ASMT: variants seen among roughly 807,000 people sequenced by gnomAD.
ASMT encodes the protein acetylserotonin O-methyltransferase, also known as acetylserotonin N-methyltransferase.
ASMT carries 53 observed loss-of-function variants against 41.3 expected under a neutral mutation model. That is an observed-to-expected ratio of 1.28 (90% CI 1.03 to 1.61). The LOEUF (loss-of-function observed/expected upper bound fraction) is 1.61. ASMT is among the 40% of genes most tolerant of loss of function. The pLI is 0.00. For missense variants in ASMT, 531 were observed against 441.3 expected, an observed-to-expected ratio of 1.20 and a Z score of -1.82; for synonymous variants, 231 against 184.8, an observed-to-expected ratio of 1.25 and a Z score of -2.03.
rs562825777 is a variant in ASMT, at chrX:1,619,840, T to A, written c.70-3299T>A. 3.6e-3 allele frequency among the ~76,000 whole-genome samples: 550 copies of A among 151,778 alleles called. 1 individual carries two copies. The highest frequency in any genetic ancestry group is 0.017 in the Middle Eastern group (5 of 294). ...GGCGTGGTGGCTCATGCCTGTAATC[T>A]GAGCACTTTGGGAGGCCGAGGAAGG... On this transcript the variant is annotated intron_variant, in intron 1 of 8. Transcript: ENST00000381241.
At chrX:1,619,159 G>A (rs1364498501) in intron 1 of ASMT, among the ~76,000 whole-genome samples, 3 of 152,092 alleles carry the variant, frequency 2.0e-5, no homozygotes, top group Non-Finnish European at 4.4e-5. Context: ...ACTTTGGGAG[G>A]CCGAGGCGGG....
At chrX:1,621,289 A>G (rs1460438833) in intron 1 of ASMT, among the ~76,000 whole-genome samples, 1 of 152,172 alleles carries the variant, frequency 6.6e-6, no homozygotes, top group East Asian at 1.9e-4. Flanking sequence ...CGATGTGTGC[A>G]AGAAAAGAAA....
intron 8 of ASMT, among the ~76,000 whole-genome samples, chrX:1,640,424 T>A (rs56035557): frequency 1.5e-4 from 3 of 20,220 alleles, no homozygotes; most frequent in Admixed American, 5.8e-4. Flanking sequence ...TCCTGATGGT[T>A]CATGAGGATG....
At chrX:1,616,030 C>T (rs1158634289) in intron 1 of ASMT, among the ~76,000 whole-genome samples, 1 of 141,522 alleles carries the variant, frequency 7.1e-6, no homozygotes, top group Non-Finnish European at 1.6e-5. Flanking sequence ...CACCTCATTC[C>T]TTTTTTTTAT....
intron 3 of ASMT, among the ~76,000 whole-genome samples, chrX:1,625,108 C>T (rs866837422): frequency 0.14 from 19,394 of 135,448 alleles, 1,770 homozygotes; most frequent in African/African-American, 0.22. Flanking sequence ...TCTTTTCTTT[C>T]TTTTTTTTTT....
intron 8 of ASMT, among the ~76,000 whole-genome samples, chrX:1,640,923 G>C (rs1400766902): frequency 1.2e-4 from 1 of 8,306 alleles, no homozygotes; most frequent in Non-Finnish European, 2.1e-4. Flanking sequence ...TGGCACATGA[G>C]GATGTGGGCA....
intron 3 of ASMT, 126 bp downstream of exon 3, chrX:1,624,524 T>TGGG: frequency 7.1e-7 from 1 of 1,407,206 alleles, no homozygotes; most frequent in South Asian, 1.3e-5. Flanking sequence ...TGCTGGGAGG[T>TGGG]GGGGGCTGAC....
At chrX:1,622,086 G>A (rs1420052576) in intron 1 of ASMT, among the ~76,000 whole-genome samples, 6 of 151,484 alleles carry the variant, frequency 4.0e-5, no homozygotes, top group Non-Finnish European at 7.4e-5. Flanking sequence ...TCTGCCTCCC[G>A]GGTTTACGCC....
At chrX:1,616,792 T>A (rs1436510968) in intron 1 of ASMT, among the ~76,000 whole-genome samples, 3 of 151,048 alleles carry the variant, frequency 2.0e-5, no homozygotes, top group Non-Finnish European at 4.4e-5. Context: ...CACTGCAAGC[T>A]CCACCTCCCA....
chrX:1,619,264 G>C (rs1934248851), intron 1 of ASMT, among the ~76,000 whole-genome samples: 1 of 151,340 alleles, frequency 6.6e-6, no homozygotes, highest in Non-Finnish European at 1.5e-5. Flanking sequence ...CGTGGTGGCG[G>C]GCACCTGTAG....
intron 1 of ASMT, 25 bp downstream of exon 1, chrX:1,615,293 G>A (rs1287363288): frequency 2.5e-6 from 4 of 1,571,582 alleles, no homozygotes; most frequent in Non-Finnish European, 3.5e-6. Context: ...GTGGGACAAG[G>A]GGGAATAGAC....
At chrX:1,635,916 T>A (rs1314148219) in intron 7 of ASMT, among the ~76,000 whole-genome samples, 2 of 149,508 alleles carry the variant, frequency 1.3e-5, no homozygotes, top group Non-Finnish European at 3.0e-5. Flanking sequence ...GATTTTTTTT[T>A]AAAGGAGGAG....
chrX:1,628,780 G>A (rs1406044880), intron 4 of ASMT, among the ~76,000 whole-genome samples: 10 of 131,974 alleles, frequency 7.6e-5, no homozygotes, highest in African/African-American at 2.0e-4. Context: ...CTTTCCTCTC[G>A]CCTCCCTTCC....
chrX:1,632,649 T>C (rs150852977), intron 5 of ASMT, 55 bp from the exon 6 acceptor site: 6,215 of 170,398 alleles, frequency 0.036, 380 homozygotes, highest in African/African-American at 0.14. Flanking sequence ...AGCCAGACTC[T>C]GTCTCAAAAA....
In ASMT at chrX:1,622,804, C is replaced by T. The variant is rs1195008561; in HGVS notation, c.70-335C>T. Among the ~76,000 whole-genome samples, 12 of 151,530 alleles carry T rather than the reference C, an allele frequency of 7.9e-5. No homozygotes were observed. In the South Asian group the frequency reaches 8.4e-4, roughly 11 times the overall value. On this transcript the variant is annotated intron_variant, in intron 1 of 8. Coordinates refer to ENST00000381241, the MANE Select transcript of ASMT (RefSeq NM_001171038.2). ...GAACAGGCCTGTAATCCCAGCTACT[C>T]GGGAGGCTGAGGCAGGAGAATGGTG...
intron 5 of ASMT, among the ~76,000 whole-genome samples, chrX:1,630,669 A>G (rs1315028666): frequency 6.7e-6 from 1 of 150,010 alleles, no homozygotes; most frequent in Non-Finnish European, 1.5e-5. Flanking sequence ...TGGTCCTCCC[A>G]CCTCAGCCTC....
At position 1,624,698 on chromosome X, in the gene ASMT, G is replaced by A. The variant is rs1446474337; in HGVS notation, c.374+300G>A. 6.6e-4 allele frequency among the ~76,000 whole-genome samples: 38 copies of A among 57,664 alleles called. 4 individuals are homozygous for A. Among genetic ancestry groups the A allele is most frequent in the Non-Finnish European group, 1.1e-3 (35 of 31,444 alleles). The allele number at this position is 57,664 out of a possible 152,430, so 37.8% of individuals were successfully genotyped here. A position where few individuals can be genotyped will look rare whatever the true frequency, so the allele number is the denominator to read the frequency against. On this transcript the variant is annotated intron_variant, in intron 3 of 8. Coordinates refer to ENST00000381241, the MANE Select transcript of ASMT (RefSeq NM_001171038.2). ...GGGAGGTGGTGGCTGACCACAGGCAGATGCTGGGAGGTGGGGGCTGACCCC... is the reference window on the plus strand; with the variant it reads ...GGGAGGTGGTGGCTGACCACAGGCAAATGCTGGGAGGTGGGGGCTGACCCC...
At chrX:1,630,032 T>A in intron 5 of ASMT, 93 bp downstream of exon 5, 3 of 1,138,508 alleles carry the variant, frequency 2.6e-6, no homozygotes, top group Non-Finnish European at 4.0e-6. Context: ...TGCATTCTGA[T>A]GCTTTGACAT....
chrX:1,642,740 G>T lies in ASMT; in HGVS notation c.911-63G>T, dbSNP rs59423538. Reference sequence around the variant, plus strand: ...GTCTGGCTGTCCTTATGGTTCACTGGGACTTTGGCACAGTCTGTCTGTGTG... The same window carrying T: ...GTCTGGCTGTCCTTATGGTTCACTGTGACTTTGGCACAGTCTGTCTGTGTG... On this transcript the variant is annotated intron_variant, in intron 8 of 8. Transcript: ENST00000381241. The T allele has an allele frequency of 5.6e-3, 8,404 of 1,501,238 alleles. 434 individuals carry two copies. In the African/African-American group the frequency reaches 0.1, roughly 19 times the overall value. The allele number at this position is 1,501,238 out of a possible 1,614,324, so 93.0% of individuals were successfully genotyped here.
Sources: allele counts gnomAD v4.1 joint callset (sites outside exome capture counted in the v4.1 genomes callset), GRCh38; gene constraint gnomAD v4.1.1; transcripts MANE v1.5; gene names NCBI Gene and HGNC (gene_info 2026-07-23, HGNC 2026-07-21).